KIRREL3: variants seen among roughly 807,000 people sequenced by gnomAD.
KIRREL3 encodes kirre like nephrin family adhesion molecule 3.
In KIRREL3, 36 loss-of-function variants were observed where a neutral mutation model predicts 89.7. That is an observed-to-expected ratio of 0.40 (90% confidence interval 0.31 to 0.53). The LOEUF (loss-of-function observed/expected upper bound fraction) is 0.53, where lower values mean the gene tolerates loss of function less well. KIRREL3 is among the 20% of genes least tolerant of loss of function. The pLI, the probability that KIRREL3 is intolerant of heterozygous loss-of-function variation, is 0.49. For missense variants in KIRREL3, 864 were observed against 1,056.6 expected (o/e 0.82, Z 2.53); for synonymous variants, 445 against 441.4 (o/e 1.01, Z -0.10).
rs1332888866 is a variant in KIRREL3 at position 126,843,362 on chromosome 11, G to A, written c.55+157093C>T. 6.6e-6 allele frequency among the ~76,000 whole-genome samples: 1 copy of A among 152,200 alleles called. No homozygotes were observed. The highest frequency in any genetic ancestry group is 1.9e-4 in the East Asian group (1 of 5,190). On this transcript the variant is annotated intron_variant, in intron 1 of 16. Coordinates refer to ENST00000525144, the MANE Select transcript of KIRREL3 (RefSeq NM_032531.4). This position sits in a 1 kb window ranked among gnomAD's most constrained non-coding sequence, Gnocchi z 4.6. The stretch of plus-strand genomic sequence containing the variant: ...AAGATCTCCAAGTGTAAAGGTGCAT[G>A]AGAAATGCTTCCAGTGAGTGAGATT...
intron 1 of KIRREL3, among the ~76,000 whole-genome samples, chr11:126,585,554 A>G (rs1033167320): frequency 2.6e-5 from 4 of 152,176 alleles, no homozygotes; most frequent in South Asian, 4.2e-4. Flanking sequence ...CTTCACCAGG[A>G]TAGTTTGTGG....
chr11:126,801,330 T>A lies in KIRREL3; in HGVS notation c.55+199125A>T, dbSNP rs549261533. ...AATTCATTTACTCAAATGTTTTGAG[T>A]TTCCACTTTAAGTCAAACACCATGT... On this transcript the variant is annotated intron_variant, in intron 1 of 16. Transcript: ENST00000525144. Among the ~76,000 whole-genome samples the A allele has an allele frequency of 3.9e-5, 6 of 152,292 alleles. No homozygotes were observed. The South Asian group carries it at 6.2e-4, about 16-fold the overall frequency.
rs1235574829 is a variant in KIRREL3, at chr11:126,694,570, C to T, written c.56-131658G>A. The stretch of plus-strand genomic sequence containing the variant: ...GGCAGGTTTGGGGGTGCTGACTAGG[C>T]CTTCACACAAAGAGGAATCTGCTCT... On this transcript the variant is annotated intron_variant, in intron 1 of 16. Transcript: ENST00000525144. The surrounding 1 kb of genome is among the most constrained non-coding windows in gnomAD (Gnocchi z 4.4). 1.3e-5 allele frequency among the ~76,000 whole-genome samples: 2 copies of T among 152,112 alleles called. No homozygotes were observed. Among genetic ancestry groups the T allele is most frequent in the African/African-American group, 4.8e-5 (2 of 41,408 alleles).
At chr11:126,732,732 C>T (rs1025208374) in intron 1 of KIRREL3, among the ~76,000 whole-genome samples, 2 of 152,174 alleles carry the variant, frequency 1.3e-5, no homozygotes, top group Admixed American at 6.5e-5. Context: ...AAGGTAACCT[C>T]GTAATGCTGA....
rs940375823 is a variant in KIRREL3 at position 126,709,566 on chromosome 11, T to G, written c.56-146654A>C. On this transcript the variant is annotated intron_variant, in intron 1 of 16. Coordinates refer to ENST00000525144, the MANE Select transcript of KIRREL3 (RefSeq NM_032531.4). This position sits in a 1 kb window ranked among gnomAD's most constrained non-coding sequence, Gnocchi z 4.0. ...CTTTAAAAAGGTGATTAAGTTAAAA[T>G]GAGGTCATTAGGGTGCGTCCTAATC... Among the ~76,000 whole-genome samples, 5 of 152,134 alleles carry G rather than the reference T, an allele frequency of 3.3e-5. No individual in the cohort carries two copies. Among genetic ancestry groups the G allele is most frequent in the Non-Finnish European group, 5.9e-5 (4 of 68,022 alleles).
intron 5 of KIRREL3, among the ~76,000 whole-genome samples, chr11:126,464,345 CAAAA>C (rs59100386): frequency 1.1e-5 from 1 of 94,896 alleles, no homozygotes; most frequent in Admixed American, 1.3e-4. Context: ...CTGTCACTAC[CAAAA>C]AAAAAAAAAA....
At position 126,607,317 on chromosome 11, in the gene KIRREL3, C is replaced by T. The variant is rs1041613835; in HGVS notation, c.56-44405G>A. On this transcript the variant is annotated intron_variant, in intron 1 of 16. Transcript: ENST00000525144. The surrounding 1 kb of genome is among the most constrained non-coding windows in gnomAD (Gnocchi z 6.6). ...ATAACACATTTGGTGTGGTTTTGGG[C>T]AGACAGAACGGGTTTCTTATGGCTG... Among the ~76,000 whole-genome samples, 4 of 152,214 alleles carry T rather than the reference C, an allele frequency of 2.6e-5. No individual in the cohort carries two copies. The highest frequency in any genetic ancestry group is 9.6e-5 in the African/African-American group (4 of 41,464).
At chr11:126,756,610 A>G (rs376033547) in intron 1 of KIRREL3, among the ~76,000 whole-genome samples, 1 of 152,258 alleles carries the variant, frequency 6.6e-6, no homozygotes, top group African/African-American at 2.4e-5. Context: ...CCATCTGCTC[A>G]TCTTGGCTTC....
chr11:126,705,114 T>G lies in KIRREL3; in HGVS notation c.56-142202A>C, dbSNP rs909744322. Among the ~76,000 whole-genome samples the G allele has an allele frequency of 1.3e-5, 2 of 152,206 alleles. No homozygotes were observed. Among genetic ancestry groups the G allele is most frequent in the African/African-American group, 4.8e-5 (2 of 41,464 alleles). ...AAAAAGGTTTTCTTAATTCAAAAAA[T>G]GTACACATTTATAGTAAGAATACAA... On this transcript the variant is annotated intron_variant, in intron 1 of 16. Coordinates refer to ENST00000525144, the MANE Select transcript of KIRREL3 (RefSeq NM_032531.4). The surrounding 1 kb of genome is among the most constrained non-coding windows in gnomAD (Gnocchi z 4.3).
rs1356080888 is a variant in KIRREL3 at position 126,486,460 on chromosome 11, G to A, written c.434-12994C>T. Among the ~76,000 whole-genome samples the A allele has an allele frequency of 1.3e-5, 2 of 152,214 alleles. No individual in the cohort carries two copies. Among genetic ancestry groups the A allele is most frequent in the African/African-American group, 2.4e-5 (1 of 41,444 alleles). Reference sequence around the variant, plus strand: ...GCTGATGGCTGCAGGATGGGTGAGAGCGCTTCTTAGGTGTGTTTGCAGGAA... The same window carrying A: ...GCTGATGGCTGCAGGATGGGTGAGAACGCTTCTTAGGTGTGTTTGCAGGAA... On this transcript the variant is annotated intron_variant, in intron 4 of 16. Transcript: ENST00000525144. This position sits in a 1 kb window ranked among gnomAD's most constrained non-coding sequence, Gnocchi z 6.2.
chr11:126,693,585 A>T (rs913211084), intron 1 of KIRREL3, among the ~76,000 whole-genome samples: 1 of 147,872 alleles, frequency 6.8e-6, no homozygotes, highest in African/African-American at 2.5e-5. Context: ...ATCTGTATGC[A>T]CATGCATGTG....
intron 1 of KIRREL3, among the ~76,000 whole-genome samples, chr11:126,880,708 T>C (rs1369658982): frequency 1.3e-5 from 2 of 152,114 alleles, no homozygotes; most frequent in Admixed American, 6.5e-5. Context: ...AAATAACTAT[T>C]ATGCAAAAGT....
intron 5 of KIRREL3, among the ~76,000 whole-genome samples, chr11:126,465,820 G>A (rs572071599): frequency 1.3e-5 from 2 of 152,264 alleles, no homozygotes; most frequent in South Asian, 2.1e-4. Context: ...AGCTGGCACC[G>A]CTTTACCACC....
intron 1 of KIRREL3, among the ~76,000 whole-genome samples, chr11:126,937,636 C>T (rs1283043279): frequency 6.6e-6 from 1 of 151,660 alleles, no homozygotes; most frequent in Admixed American, 6.6e-5. Flanking sequence ...CGTGGTGGCT[C>T]ATGCCTGTAA....
rs771981840 is a variant in KIRREL3, at chr11:126,440,458, C to T, written c.1344G>A (p.Pro448=). Residue 448 remains proline (P), a synonymous_variant, in exon 11 of 17, where the codon CCG becomes CCA. Transcript: ENST00000525144. Reference sequence around the variant, plus strand: ...TCCCTGGAGCACTCACGATGCGGTCCGGCGGCGGCGTGCTCCGGATGAAGC... The same window carrying T: ...TCCCTGGAGCACTCACGATGCGGTCTGGCGGCGGCGTGCTCCGGATGAAGC... ...IKCFIRSTPP[P]DRIAWSWKEN... The T allele has an allele frequency of 4.6e-5, 72 of 1,577,054 alleles. No homozygotes were observed. In the African/African-American group the frequency reaches 5.7e-4, roughly 12 times the overall value.
rs1947105450 is a variant in KIRREL3, at chr11:126,917,931, G to A, written c.55+82524C>T. ...AACTCGATTTCACTTGGTGTGTGAT[G>A]ACACATCTTACAGTGATGGAGCAGA... On this transcript the variant is annotated intron_variant, in intron 1 of 16. Coordinates refer to ENST00000525144, the MANE Select transcript of KIRREL3 (RefSeq NM_032531.4). The surrounding 1 kb of genome is among the most constrained non-coding windows in gnomAD (Gnocchi z 5.0). Among the ~76,000 whole-genome samples the A allele has an allele frequency of 6.6e-6, 1 of 152,184 alleles. No homozygotes were observed. The highest frequency in any genetic ancestry group is 2.1e-4 in the South Asian group (1 of 4,826).
rs535182028 is a variant in KIRREL3 at position 126,902,600 on chromosome 11, G to A, written c.55+97855C>T. 5.3e-5 allele frequency among the ~76,000 whole-genome samples: 8 copies of A among 152,294 alleles called. No individual in the cohort carries two copies. The South Asian group carries it at 6.2e-4, about 12-fold the overall frequency. ...GTTCTTGCTATGTGTCAGGCAAGGC[G>A]CCAATCCCTGTGGATACAGAGAAGT... On this transcript the variant is annotated intron_variant, in intron 1 of 16. Coordinates refer to ENST00000525144, the MANE Select transcript of KIRREL3 (RefSeq NM_032531.4).
At chr11:126,921,504 A>C (rs953314997) in intron 1 of KIRREL3, among the ~76,000 whole-genome samples, 1 of 149,598 alleles carries the variant, frequency 6.7e-6, no homozygotes, top group African/African-American at 2.5e-5. Context: ...TCTATTATCT[A>C]TCTGTAATCT....
rs374437775 is a variant in KIRREL3, at chr11:126,876,600, C to T, written c.55+123855G>A. ...TCACCCAGGCTGGAGTGCAGCGGTG[C>T]GACCTTGGCCCACTGCAACCTCCAC... On this transcript the variant is annotated intron_variant, in intron 1 of 16. Coordinates refer to ENST00000525144, the MANE Select transcript of KIRREL3 (RefSeq NM_032531.4). This position sits in a 1 kb window ranked among gnomAD's most constrained non-coding sequence, Gnocchi z 4.1. 1.7e-3 allele frequency among the ~76,000 whole-genome samples: 251 copies of T among 149,018 alleles called. 1 individual carries two copies. The highest frequency in any genetic ancestry group is 5.7e-3 in the African/African-American group (231 of 40,208).
Sources: allele counts gnomAD v4.1 joint callset (sites outside exome capture counted in the v4.1 genomes callset), GRCh38; gene constraint gnomAD v4.1.1; non-coding constraint Gnocchi (gnomAD v3.1); transcripts MANE v1.5; gene names NCBI Gene and HGNC (gene_info 2026-07-23, HGNC 2026-07-21).